The following PXN variants were observed in gnomAD, a reference collection of about 807,000 sequenced individuals.
The protein encoded by PXN is paxillin.
In PXN, 61 loss-of-function variants were observed where a neutral mutation model predicts 103.6. The ratio of observed to expected loss-of-function variants is 0.59; its 90% CI spans 0.48 to 0.73. The LOEUF (loss-of-function observed/expected upper bound fraction) is 0.73. PXN is among the 30% of genes least tolerant of loss of function. The probability of loss-of-function intolerance (pLI) is 0.00; values close to 1 mark genes in which losing one functional copy is unlikely to be tolerated. For synonymous variants in PXN, 562 were observed against 607.8 expected, an observed-to-expected ratio of 0.92 and a Z score of 1.11; for missense variants, 1,274 against 1,460.3, an observed-to-expected ratio of 0.87 and a Z score of 2.08.
At position 120,212,596 on chromosome 12, in the gene PXN, A is replaced by G. The variant is rs779602085; in HGVS notation, c.2980-16T>C. 3.7e-6 allele frequency: 6 copies of G among 1,605,944 alleles called. No individual in the cohort carries two copies. The highest frequency in any genetic ancestry group is 5.1e-6 in the Non-Finnish European group (6 of 1,175,442). ...TGAAGCATTCCTGCCAGGCGGAGAG[A>G]GGGGCTCAGGGAGCTGCCCCTCGGG... is the stretch of plus-strand genomic sequence containing the variant. On this transcript the variant is annotated splice_polypyrimidine_tract_variant and intron_variant, in intron 14 of 14. Coordinates refer to ENST00000637617, the MANE Select transcript of PXN (RefSeq NM_001385981.1). This position sits in a 1 kb window ranked among gnomAD's most constrained non-coding sequence, Gnocchi z 7.2.
At position 120,229,590 on chromosome 12, in the gene PXN, A is replaced by G. The variant is rs1887609876; in HGVS notation, c.14-5213T>C. Among the ~76,000 whole-genome samples, 1 of 152,130 alleles carries G rather than the reference A, an allele frequency of 6.6e-6. No homozygotes were observed. Among genetic ancestry groups the G allele is most frequent in the Non-Finnish European group, 1.5e-5 (1 of 68,018 alleles). On this transcript the variant is annotated intron_variant, in intron 1 of 14. Transcript: ENST00000637617. The surrounding 1 kb of genome is among the most constrained non-coding windows in gnomAD (Gnocchi z 4.0). The stretch of plus-strand genomic sequence containing the variant: ...TCCTTGTCTGCCCAATAGGAATTCC[A>G]CCATTTTACTCACAGGATTGGGACT...
At chr12:120,236,146 C>T (rs999897996) in intron 1 of PXN, among the ~76,000 whole-genome samples, 1 of 152,232 alleles carries the variant, frequency 6.6e-6, no homozygotes, top group African/African-American at 2.4e-5. Flanking sequence ...TTTAACTACT[C>T]TGTGTCTGGG....
At position 120,265,452 on chromosome 12, in the gene PXN, C is replaced by A. The variant is rs1894557965; in HGVS notation, c.13+165G>T. ...GGCCGGCCTGGCCCGAGACTAAGGC[C>A]CGGTTAGGGATCCCAGCCCCGCGGA... is the stretch of plus-strand genomic sequence containing the variant. On this transcript the variant is annotated intron_variant, in intron 1 of 14. Transcript: ENST00000637617. The surrounding 1 kb of genome is among the most constrained non-coding windows in gnomAD (Gnocchi z 5.7). 2.0e-5 allele frequency among the ~76,000 whole-genome samples: 3 copies of A among 152,044 alleles called. No homozygotes were observed. The South Asian group carries it at 6.2e-4, about 32-fold the overall frequency.
chr12:120,221,827 C>T lies in PXN; in HGVS notation c.696-69G>A. 6.7e-7 allele frequency: 1 copy of T among 1,488,364 alleles called. No homozygotes were observed. Among genetic ancestry groups the T allele is most frequent in the Non-Finnish European group, 9.0e-7 (1 of 1,115,580 alleles). The allele number at this position is 1,488,364 out of a possible 1,614,324, so 92.2% of individuals were successfully genotyped here. On this transcript the variant is annotated intron_variant, in intron 5 of 14. Coordinates refer to ENST00000637617, the MANE Select transcript of PXN (RefSeq NM_001385981.1). The surrounding 1 kb of genome is among the most constrained non-coding windows in gnomAD (Gnocchi z 6.6). ...CCACACTTCCCGGGGATCAGATCGA[C>T]CTCTCACCTCGGACACTGGGGTCTC...
At chr12:120,240,794 C>T (rs899183869) in intron 1 of PXN, among the ~76,000 whole-genome samples, 6 of 152,198 alleles carry the variant, frequency 3.9e-5, no homozygotes, top group African/African-American at 1.4e-4. Flanking sequence ...GCCATTGGAA[C>T]ATCGACACTA....
chr12:120,221,710 G>A lies in PXN; in HGVS notation c.744C>T (p.Val248=). 1 of 1,571,562 alleles carries A rather than the reference G, an allele frequency of 6.4e-7. No individual in the cohort carries two copies. The highest frequency in any genetic ancestry group is 8.6e-7 in the Non-Finnish European group (1 of 1,158,836). ...NQGEMSSPQR[V]TSTQQQTRIS... is the part of the protein sequence containing the mutation. ...TGCGTGTCTGCTGTTGGGTGGAGGT[G>A]ACGCGCTGCGGGCTGCTCATCTCGC... Residue 248 remains valine, a synonymous_variant, in exon 6 of 15, where the codon GTC becomes GTT. Transcript: ENST00000637617. The surrounding 1 kb of genome is among the most constrained non-coding windows in gnomAD (Gnocchi z 6.6).
Position 120,220,012 on chromosome 12 carries a change from G to A in PXN, c.911C>T (p.Ser304Phe), listed in dbSNP as rs1268990367. The A allele has an allele frequency of 5.8e-6, 9 of 1,558,662 alleles. No homozygotes were observed. Among genetic ancestry groups the A allele is most frequent in the Admixed American group, 1.7e-5 (1 of 59,460 alleles). Reference protein sequence around the residue: ...APSSYCSLPPSPPPMPSVFLP... With the variant: ...APSSYCSLPPFPPPMPSVFLP... Reference sequence around the variant, plus strand: ...AAATACAGATGGCATGGGAGGAGGAGAAGGAGGAAGGGAGCAGTATGAGGA... The same window carrying A: ...AAATACAGATGGCATGGGAGGAGGAAAAGGAGGAAGGGAGCAGTATGAGGA... The change falls in exon 7 of 15, where the codon TCT becomes TTT. Residue 304 changes from serine to phenylalanine, a missense_variant. By Grantham distance (155) the Ser-to-Phe change is radical (BLOSUM62 -2). Transcript: ENST00000637617. This position sits in a 1 kb window ranked among gnomAD's most constrained non-coding sequence, Gnocchi z 6.1.
Position 120,224,405 on chromosome 12 carries a change from T to G in PXN, c.14-28A>C. The G allele has an allele frequency of 6.4e-7, 1 of 1,559,644 alleles. No homozygotes were observed. Among genetic ancestry groups the G allele is most frequent in the East Asian group, 2.2e-5 (1 of 44,612 alleles). ...GCAAAGAGAAGGCACGGGTAGCAGG[T>G]GAGAACCGGGATCCTGGGGACTCTC... On this transcript the variant is annotated intron_variant, in intron 1 of 14. Transcript: ENST00000637617. This position sits in a 1 kb window ranked among gnomAD's most constrained non-coding sequence, Gnocchi z 5.0.
rs1484984777 is a variant in PXN, at chr12:120,224,891, A to C, written c.14-514T>G. The C allele has an allele frequency of 2.7e-6, 1 of 364,450 alleles. No homozygotes were observed. Among genetic ancestry groups the C allele is most frequent in the Non-Finnish European group, 5.5e-6 (1 of 182,544 alleles). The allele number at this position is 364,450 out of a possible 1,614,324, so 22.6% of individuals were successfully genotyped here. A position where few individuals can be genotyped will look rare whatever the true frequency, so the allele number is the denominator to read the frequency against. On this transcript the variant is annotated intron_variant, in intron 1 of 14. Transcript: ENST00000637617. This position sits in a 1 kb window ranked among gnomAD's most constrained non-coding sequence, Gnocchi z 5.0. ...CCTGCCCTCCTAACCAGGTGGAAGC[A>C]GAAGCCCAGGCTCCAGGTTCCTCCT... is the stretch of plus-strand genomic sequence containing the variant.
At position 120,219,234 on chromosome 12, in the gene PXN, G is replaced by A. The variant is rs1007702275; in HGVS notation, c.1689C>T (p.Thr563=). The A allele has an allele frequency of 1.9e-6, 3 of 1,588,466 alleles. No individual in the cohort carries two copies. In the South Asian group the frequency reaches 3.3e-5, roughly 18 times the overall value. ...GGCCAGAGGTGGAAATCCTCTCCGTGGTGCTGGGTGTGCCCATGGCCATGG... is the reference window on the plus strand; with the variant it reads ...GGCCAGAGGTGGAAATCCTCTCCGTAGTGCTGGGTGTGCCCATGGCCATGG... The part of the protein sequence containing the change: ...PCAMAMGTPS[T]TERISTSGQI... Residue 563 remains threonine (T), a synonymous_variant, in exon 7 of 15, where the codon ACC becomes ACT. Transcript: ENST00000637617. This position sits in a 1 kb window ranked among gnomAD's most constrained non-coding sequence, Gnocchi z 6.5.
In PXN at chr12:120,219,810, A is replaced by G; in HGVS notation, c.1113T>C (p.Ser371=). 6.3e-7 allele frequency: 1 copy of G among 1,598,410 alleles called. No homozygotes were observed. ...FNSRSPSVEG[S]LWAVGTESQG... is the part of the protein sequence containing the mutation. ...GACTCTCTGTGCCCACTGCCCACAG[A>G]GAACCCTCCACAGAGGGAGACCTTG... Residue 371 remains serine (S), a synonymous_variant, in exon 7 of 15, where the codon TCT becomes TCC. Coordinates refer to ENST00000637617, the MANE Select transcript of PXN (RefSeq NM_001385981.1). The surrounding 1 kb of genome is among the most constrained non-coding windows in gnomAD (Gnocchi z 6.5).
At chr12:120,235,314 G>A (rs536423298) in intron 1 of PXN, among the ~76,000 whole-genome samples, 1 of 152,268 alleles carries the variant, frequency 6.6e-6, no homozygotes, top group East Asian at 1.9e-4. Flanking sequence ...GGGGCTGCGA[G>A]GCTAGAAAGC....
chr12:120,211,779 GCA>G lies in PXN; in HGVS notation c.*533_*534del. ...CTAGGGCACTGGAAGGGTAGGAGGA[GCA>G]CAGAGAACCTTCCATGGCCCCTTTG... On this transcript the variant is annotated 3_prime_UTR_variant, in exon 15 of 15. Transcript: ENST00000637617. 7.6e-6 allele frequency: 3 copies of G among 394,074 alleles called. No homozygotes were observed. The highest frequency in any genetic ancestry group is 1.5e-5 in the Non-Finnish European group (3 of 194,240). 24.4% of individuals were successfully genotyped at this position (394,074 alleles called of 1,614,324 possible).
chr12:120,238,676 G>A (rs1889580223), intron 1 of PXN, among the ~76,000 whole-genome samples: 1 of 152,230 alleles, frequency 6.6e-6, no homozygotes, highest in Non-Finnish European at 1.5e-5. Context: ...TGGATTTTGA[G>A]CTGTGGAGAA....
intron 1 of PXN, among the ~76,000 whole-genome samples, chr12:120,237,549 C>T (rs1462956164): frequency 3.3e-5 from 5 of 152,116 alleles, no homozygotes; most frequent in East Asian, 1.9e-4. Flanking sequence ...CATCTGAAGG[C>T]TATGTCCTGG....
intron 1 of PXN, among the ~76,000 whole-genome samples, chr12:120,238,849 G>A (rs1325765575): frequency 3.3e-5 from 5 of 152,308 alleles, no homozygotes; most frequent in East Asian, 1.9e-4. Flanking sequence ...CCTTCAGGCA[G>A]TACCTGCTCT....
rs758942226 is a variant in PXN at position 120,222,448 on chromosome 12, G to A, written c.695+101C>T. 28 of 1,292,530 alleles carry A rather than the reference G, an allele frequency of 2.2e-5. No individual in the cohort carries two copies. Among genetic ancestry groups the A allele is most frequent in the Non-Finnish European group, 2.9e-5 (28 of 953,442 alleles). 80.1% of individuals were successfully genotyped at this position (1,292,530 alleles called of 1,614,324 possible). On this transcript the variant is annotated intron_variant, in intron 5 of 14. Transcript: ENST00000637617. This position sits in a 1 kb window ranked among gnomAD's most constrained non-coding sequence, Gnocchi z 4.7. ...CCAGTGCCTGGCAAATGGCAGACAC[G>A]GGAGGGAGTGGGTGATACCAGGGCT...
At position 120,224,451 on chromosome 12, in the gene PXN, CCTG is replaced by C; in HGVS notation, c.14-77_14-75del. The stretch of plus-strand genomic sequence containing the variant: ...CTCTCCCGTGGCAGGGCCCTCCCTG[CCTG>C]CACCTCAAGAGTTAATGCCTTCTAG... On this transcript the variant is annotated intron_variant, in intron 1 of 14. Transcript: ENST00000637617. The surrounding 1 kb of genome is among the most constrained non-coding windows in gnomAD (Gnocchi z 5.0). 1.0e-5 allele frequency: 11 copies of C among 1,079,728 alleles called. No homozygotes were observed. The highest frequency in any genetic ancestry group is 1.4e-5 in the Non-Finnish European group (10 of 696,914). The allele number at this position is 1,079,728 out of a possible 1,614,324, so 66.9% of individuals were successfully genotyped here. A position where few individuals can be genotyped will look rare whatever the true frequency, so the allele number is the denominator to read the frequency against.
At chr12:120,254,956 G>GCCCC (rs1459519919) in intron 1 of PXN, among the ~76,000 whole-genome samples, 2 of 152,170 alleles carry the variant, frequency 1.3e-5, no homozygotes, top group Non-Finnish European at 2.9e-5. Flanking sequence ...AAGAGAGGGG[G>GCCCC]CGCTAACAGA....
Sources: allele counts gnomAD v4.1 joint callset (sites outside exome capture counted in the v4.1 genomes callset), GRCh38; gene constraint gnomAD v4.1.1; non-coding constraint Gnocchi (gnomAD v3.1); transcripts MANE v1.5; gene names NCBI Gene and HGNC (gene_info 2026-07-23, HGNC 2026-07-21).